The following LRBA variants were observed in gnomAD, a reference collection of about 807,000 sequenced individuals.
The protein encoded by LRBA is LPS responsive beige-like anchor protein.
A neutral mutation model predicts 330.0 loss-of-function variants in LRBA; 176 were observed. The ratio of observed to expected loss-of-function variants is 0.53; its 90% confidence interval spans 0.47 to 0.60. The LOEUF (loss-of-function observed/expected upper bound fraction) is 0.60. LRBA is among the 20% of genes least tolerant of loss of function. The pLI, the probability that LRBA is intolerant of heterozygous loss-of-function variation, is 0.00. For synonymous variants in LRBA, 1,230 were observed against 1,193.0 expected, an observed-to-expected ratio of 1.03 and a Z score of -0.64; for missense variants, 3,259 against 3,444.8, an observed-to-expected ratio of 0.95 and a Z score of 1.35.
chr4:150,270,502 A>G (rs1745932104), intron 56 of LRBA, among the ~76,000 whole-genome samples: 2 of 152,208 alleles, frequency 1.3e-5, no homozygotes, highest in Admixed American at 6.5e-5. Flanking sequence ...TCATAGAGAC[A>G]GAAAGTAGCA....
chr4:150,398,010 G>C (rs180998531), intron 47 of LRBA, among the ~76,000 whole-genome samples: 1 of 152,232 alleles, frequency 6.6e-6, no homozygotes, highest in East Asian at 1.9e-4. Context: ...ATGTTGCACA[G>C]TGAGCATTAC....
chr4:150,864,650 T>TC, intron 22 of LRBA, among the ~76,000 whole-genome samples: 1 of 147,098 alleles, frequency 6.8e-6, no homozygotes, highest in African/African-American at 2.5e-5. Flanking sequence ...CGTTCTTTTT[T>TC]TTTTTTTTTT....
At chr4:150,780,044 A>G (rs1375559325) in intron 34 of LRBA, among the ~76,000 whole-genome samples, 22 of 152,182 alleles carry the variant, frequency 1.4e-4, no homozygotes, top group Non-Finnish European at 2.9e-5. Flanking sequence ...AACATTAAGA[A>G]TTAAACATGT....
intron 2 of LRBA, among the ~76,000 whole-genome samples, chr4:151,010,183 T>C (rs995165398): frequency 6.6e-6 from 1 of 152,056 alleles, no homozygotes; most frequent in Non-Finnish European, 1.5e-5. Flanking sequence ...TTAACAAAAA[T>C]TTTTTAAAAA....
At chr4:150,426,681 T>C (rs1035076569) in intron 46 of LRBA, among the ~76,000 whole-genome samples, 1 of 151,936 alleles carries the variant, frequency 6.6e-6, no homozygotes, top group African/African-American at 2.4e-5. Context: ...CACTGAATTA[T>C]GCCCATTTAT....
intron 9 of LRBA, among the ~76,000 whole-genome samples, chr4:150,909,767 C>T (rs539688431): frequency 1.3e-5 from 2 of 152,216 alleles, no homozygotes; most frequent in South Asian, 4.1e-4. Context: ...CACCATTTTT[C>T]ATTCCCCTCA....
In LRBA at chr4:150,683,950, G is replaced by A; in HGVS notation, c.5755-233C>T. Reference sequence around the variant, plus strand: ...CTCAGAAGTGGTAAACATTCAAGTAGAGACCTGAACAATGAGACAAAGACA... The same window carrying A: ...CTCAGAAGTGGTAAACATTCAAGTAAAGACCTGAACAATGAGACAAAGACA... On this transcript the variant is annotated intron_variant, in intron 36 of 56. Coordinates refer to ENST00000651943, the MANE Select transcript of LRBA (RefSeq NM_001364905.1). 7.2e-6 allele frequency: 3 copies of A among 419,396 alleles called. No individual in the cohort carries two copies. In the South Asian group the frequency reaches 1.2e-4, roughly 17 times the overall value. The allele number at this position is 419,396 out of a possible 1,614,324, so 26.0% of individuals were successfully genotyped here. A position where few individuals can be genotyped will look rare whatever the true frequency, so the allele number is the denominator to read the frequency against.
At chr4:150,602,413 C>G (rs1057423341) in intron 37 of LRBA, among the ~76,000 whole-genome samples, 2 of 152,048 alleles carry the variant, frequency 1.3e-5, no homozygotes, top group African/African-American at 2.4e-5. Flanking sequence ...AGCCACACAC[C>G]CACTTATTTG....
intron 40 of LRBA, among the ~76,000 whole-genome samples, chr4:150,543,087 G>A (rs953633503): frequency 6.6e-6 from 1 of 152,180 alleles, no homozygotes. Context: ...TGCTAATTAT[G>A]TAAATGTCTA....
At chr4:150,505,996 C>T (rs559341105) in intron 40 of LRBA, among the ~76,000 whole-genome samples, 3 of 152,140 alleles carry the variant, frequency 2.0e-5, no homozygotes, top group East Asian at 3.9e-4. Flanking sequence ...ATAAATTCCT[C>T]GACACATACA....
intron 53 of LRBA, among the ~76,000 whole-genome samples, chr4:150,294,033 G>C (rs1339694783): frequency 6.6e-6 from 1 of 152,204 alleles, no homozygotes; most frequent in Non-Finnish European, 1.5e-5. Flanking sequence ...CAAGTCAACA[G>C]TAAGCTATCA....
chr4:150,511,188 G>T (rs1187116870), intron 40 of LRBA, among the ~76,000 whole-genome samples: 1 of 152,136 alleles, frequency 6.6e-6, no homozygotes, highest in East Asian at 1.9e-4. Context: ...ATCCAAAAAC[G>T]AACTCACTAC....
chr4:150,607,202 C>T (rs1039678448), intron 37 of LRBA, among the ~76,000 whole-genome samples: 5 of 152,064 alleles, frequency 3.3e-5, no homozygotes, highest in African/African-American at 1.2e-4. Context: ...ACCTGTACAT[C>T]CTAGAGTCTA....
chr4:150,844,199 C>T lies in LRBA; in HGVS notation c.4470G>A (p.Val1490=). 2 of 1,582,448 alleles carry T rather than the reference C, an allele frequency of 1.3e-6. No homozygotes were observed. Among genetic ancestry groups the T allele is most frequent in the Non-Finnish European group, 8.7e-7 (1 of 1,154,546 alleles). ...GAGATATACCGCCAGTCACAATGTCCACTGGGCTCTATTTAAGATTAAAAA... is the reference window on the plus strand; with the variant it reads ...GAGATATACCGCCAGTCACAATGTCTACTGGGCTCTATTTAAGATTAAAAA... The part of the protein sequence containing the change: ...PLGKSAAKSP[V]DIVTGGISPV... Residue 1490 remains valine (V), a synonymous_variant, in exon 28 of 57, where the codon GTG becomes GTA. Coordinates refer to ENST00000651943, the MANE Select transcript of LRBA (RefSeq NM_001364905.1).
chr4:150,419,633 CTT>C (rs780382905), intron 46 of LRBA, among the ~76,000 whole-genome samples: 50 of 96,988 alleles, frequency 5.2e-4, no homozygotes, highest in Middle Eastern at 5.7e-3. Context: ...CTGATAATAT[CTT>C]TTTTTTTTTT....
intron 40 of LRBA, among the ~76,000 whole-genome samples, chr4:150,514,159 G>A (rs969891742): frequency 5.9e-5 from 9 of 152,084 alleles, no homozygotes; most frequent in Non-Finnish European, 7.4e-5. Context: ...TGCAACCTCC[G>A]CCTCCCGAGT....
chr4:150,529,721 C>CAA (rs201900862), intron 40 of LRBA, among the ~76,000 whole-genome samples: 72 of 116,994 alleles, frequency 6.2e-4, no homozygotes, highest in African/African-American at 1.7e-3. Flanking sequence ...GACTCCATCT[C>CAA]AAAAAAAAAA....
intron 40 of LRBA, among the ~76,000 whole-genome samples, chr4:150,546,246 A>C (rs2152235689): frequency 6.6e-6 from 1 of 152,336 alleles, no homozygotes; most frequent in East Asian, 1.9e-4. Context: ...TGTGTACAAC[A>C]AACTGCATTC....
At chr4:150,273,526 TAA>T (rs1746398004) in intron 56 of LRBA, among the ~76,000 whole-genome samples, 1 of 151,330 alleles carries the variant, frequency 6.6e-6, no homozygotes, top group South Asian at 2.1e-4. Flanking sequence ...GCAAATTGGA[TAA>T]AGAGTCAAGA....
Sources: gnomAD v4.1 joint callset for allele counts (sites outside exome capture counted in the v4.1 genomes callset) on GRCh38, gnomAD v4.1.1 for gene constraint, MANE v1.5 for transcripts, NCBI Gene and HGNC (gene_info 2026-07-23, HGNC 2026-07-21) for gene names.